The following SYT9 variants were observed in gnomAD, a reference collection of about 807,000 sequenced individuals.
SYT9 encodes the protein synaptotagmin-9.
SYT9 carries 22 observed loss-of-function variants against 48.4 expected under a neutral mutation model. That is an observed-to-expected ratio of 0.45 (90% confidence interval 0.32 to 0.65). SYT9 has a LOEUF of 0.65. Ranked by LOEUF, SYT9 falls within the 30% of genes least tolerant of loss-of-function variation. The pLI, the probability that SYT9 is intolerant of heterozygous loss-of-function variation, is 0.03. For synonymous variants in SYT9, 265 were observed against 245.0 expected (o/e 1.08, Z -0.76); for missense variants, 577 against 622.0 (o/e 0.93, Z 0.77).
intron 1 of SYT9, among the ~76,000 whole-genome samples, chr11:7,261,260 G>A (rs554680759): frequency 6.6e-6 from 1 of 152,268 alleles, no homozygotes; most frequent in South Asian, 2.1e-4. Flanking sequence ...ATCAGCTGTA[G>A]CACTGCAGAA....
At chr11:7,392,870 G>A (rs1414949205) in intron 3 of SYT9, among the ~76,000 whole-genome samples, 1 of 152,020 alleles carries the variant, frequency 6.6e-6, no homozygotes, top group Non-Finnish European at 1.5e-5. Flanking sequence ...TATTACAAAT[G>A]GGATTACATT....
intron 6 of SYT9, among the ~76,000 whole-genome samples, chr11:7,448,347 G>A (rs541663637): frequency 2.0e-5 from 3 of 152,336 alleles, no homozygotes; most frequent in Admixed American, 6.5e-5. Context: ...TGAGACTTGG[G>A]GAAAACATCA....
intron 6 of SYT9, among the ~76,000 whole-genome samples, chr11:7,451,583 G>A (rs7102000): frequency 0.12 from 18,799 of 152,138 alleles, 2,162 homozygotes; most frequent in African/African-American, 0.31. Flanking sequence ...CTCCAGGAAT[G>A]TCTTTGCATC....
rs1160952153 is a variant in SYT9, at chr11:7,404,430, G to T, written c.1045-11612G>T. Among the ~76,000 whole-genome samples, 3 of 151,580 alleles carry T rather than the reference G, an allele frequency of 2.0e-5. No homozygotes were observed. The East Asian group carries it at 5.8e-4, about 29-fold the overall frequency. On this transcript the variant is annotated intron_variant, in intron 3 of 6. Coordinates refer to ENST00000318881, the MANE Select transcript of SYT9 (RefSeq NM_175733.4). ...GATTAACTGAATATTTTTAATCATT[G>T]ATTTCGTCTCCTTTTTTGGTTTATT...
At chr11:7,287,656 A>T (rs1848620964) in intron 1 of SYT9, among the ~76,000 whole-genome samples, 1 of 152,206 alleles carries the variant, frequency 6.6e-6, no homozygotes, top group South Asian at 2.1e-4. Flanking sequence ...GCGAGAAGGC[A>T]TTCTCTCATG....
At chr11:7,411,989 G>A (rs1208590722) in intron 3 of SYT9, among the ~76,000 whole-genome samples, 3 of 151,956 alleles carry the variant, frequency 2.0e-5, no homozygotes, top group African/African-American at 4.8e-5. Flanking sequence ...ATCTATTGTT[G>A]GAGGTTTTGA....
intron 3 of SYT9, among the ~76,000 whole-genome samples, chr11:7,399,423 C>G (rs922827818): frequency 2.6e-5 from 4 of 152,064 alleles, no homozygotes; most frequent in Non-Finnish European, 5.9e-5. Context: ...ATTAAACAAG[C>G]AAAGATCTAT....
At chr11:7,436,476 A>G (rs1027339557) in intron 6 of SYT9, among the ~76,000 whole-genome samples, 3 of 152,354 alleles carry the variant, frequency 2.0e-5, no homozygotes, top group Non-Finnish European at 4.4e-5. Flanking sequence ...CTGAGGGTCC[A>G]TGGTGCTCCT....
intron 3 of SYT9, among the ~76,000 whole-genome samples, chr11:7,383,953 AT>A (rs1850610815): frequency 6.6e-6 from 1 of 152,126 alleles, no homozygotes; most frequent in South Asian, 2.1e-4. Context: ...TTCTTTTTAA[AT>A]ATGCTTCCAT....
chr11:7,328,604 G>A (rs183182869), intron 3 of SYT9, among the ~76,000 whole-genome samples: 15 of 152,074 alleles, frequency 9.9e-5, no homozygotes, highest in Admixed American at 3.9e-4. Flanking sequence ...CTATCTTGCC[G>A]TGGTTTTCTA....
chr11:7,241,207 A>AACACACACAC (rs141196550), intron 1 of SYT9, among the ~76,000 whole-genome samples: 62 of 144,202 alleles, frequency 4.3e-4, no homozygotes, highest in African/African-American at 1.4e-3. Context: ...TGTTATTTAA[A>AACACACACAC]ACACACACAC....
intron 1 of SYT9, among the ~76,000 whole-genome samples, chr11:7,242,496 A>G (rs1029689008): frequency 6.6e-6 from 1 of 152,250 alleles, no homozygotes; most frequent in African/African-American, 2.4e-5. Flanking sequence ...TATAGAGATT[A>G]TATGAGCTAA....
chr11:7,450,028 C>T (rs190931698), intron 6 of SYT9, among the ~76,000 whole-genome samples: 183 of 152,312 alleles, frequency 1.2e-3, no homozygotes, highest in Non-Finnish European at 2.0e-3. Flanking sequence ...AATATGATCC[C>T]TCCGATGAAT....
chr11:7,413,468 G>A (rs1436182295), intron 3 of SYT9, among the ~76,000 whole-genome samples: 1 of 152,206 alleles, frequency 6.6e-6, no homozygotes, highest in Non-Finnish European at 1.5e-5. Context: ...CTAGGCCTGT[G>A]AGGATCGAGG....
intron 1 of SYT9, among the ~76,000 whole-genome samples, chr11:7,276,940 G>GCTA (rs1221352924): frequency 6.6e-6 from 1 of 151,556 alleles, no homozygotes; most frequent in Non-Finnish European, 1.5e-5. Flanking sequence ...TGTAATCCCA[G>GCTA]CTACTCGGGA....
At chr11:7,411,759 T>C (rs752382334) in intron 3 of SYT9, among the ~76,000 whole-genome samples, 5 of 152,306 alleles carry the variant, frequency 3.3e-5, no homozygotes, top group Middle Eastern at 6.8e-3. Flanking sequence ...CTTTTCTAGA[T>C]TGGGGAAGTT....
At chr11:7,275,541 A>G (rs190406518) in intron 1 of SYT9, among the ~76,000 whole-genome samples, 2 of 152,218 alleles carry the variant, frequency 1.3e-5, no homozygotes, top group Admixed American at 6.5e-5. Context: ...CATTTTTTAT[A>G]TTACTGTGAC....
chr11:7,279,298 C>T (rs1430178615), intron 1 of SYT9, among the ~76,000 whole-genome samples: 1 of 152,174 alleles, frequency 6.6e-6, no homozygotes, highest in African/African-American at 2.4e-5. Flanking sequence ...TTGATAGAGT[C>T]TGTCTTGACT....
chr11:7,421,818 T>C (rs1029244607), intron 6 of SYT9, among the ~76,000 whole-genome samples: 1 of 152,170 alleles, frequency 6.6e-6, no homozygotes, highest in Admixed American at 6.5e-5. Context: ...AAACAAAAGA[T>C]GACATGTAAA....
Sources: gnomAD v4.1 joint callset for allele counts (sites outside exome capture counted in the v4.1 genomes callset) on GRCh38, gnomAD v4.1.1 for gene constraint, MANE v1.5 for transcripts, NCBI Gene and HGNC (gene_info 2026-07-23, HGNC 2026-07-21) for gene names.